The following ABCA13 variants were observed in gnomAD, a reference collection of about 807,000 sequenced individuals.
ABCA13 encodes the protein ATP-binding cassette sub-family A member 13.
In ABCA13, 476 loss-of-function variants were observed where a neutral mutation model predicts 478.7. That is an observed-to-expected ratio of 0.99 (90% confidence interval 0.92 to 1.07). The LOEUF (loss-of-function observed/expected upper bound fraction) is 1.07, where lower values mean the gene tolerates loss of function less well. Ranked by LOEUF, ABCA13 falls within the 50% of genes least tolerant of loss-of-function variation. ABCA13 has a pLI of 0.00. For missense variants in ABCA13, 6,060 were observed against 5,910.6 expected, an observed-to-expected ratio of 1.03 and a Z score of -0.83; for synonymous variants, 2,252 against 2,158.9, an observed-to-expected ratio of 1.04 and a Z score of -1.20.
intron 42 of ABCA13, 42 bp downstream of exon 42, chr7:48,427,913 A>AT: frequency 7.6e-7 from 1 of 1,320,590 alleles, no homozygotes; most frequent in Non-Finnish European, 1.1e-6. Context: ...TGGAGGAACA[A>AT]TGACACCAGC....
chr7:48,621,359 C>T (rs1380868582), intron 59 of ABCA13, among the ~76,000 whole-genome samples: 8 of 152,292 alleles, frequency 5.3e-5, no homozygotes, highest in African/African-American at 1.7e-4. Context: ...TCCTAGAGAG[C>T]ACAGACTTTG....
At chr7:48,451,242 C>T (rs1421509560) in intron 42 of ABCA13, among the ~76,000 whole-genome samples, 1 of 152,128 alleles carries the variant, frequency 6.6e-6, no homozygotes, top group Non-Finnish European at 1.5e-5. Flanking sequence ...AGGTAATCTG[C>T]TCCACCTTGG....
chr7:48,487,975 T>TTTTG (rs1298357558), intron 47 of ABCA13, among the ~76,000 whole-genome samples: 1 of 152,238 alleles, frequency 6.6e-6, no homozygotes, highest in Non-Finnish European at 1.5e-5. Context: ...GCTGTAGTTT[T>TTTTG]TTTGTTTGTT....
At chr7:48,564,834 A>G (rs1276296327) in intron 55 of ABCA13, among the ~76,000 whole-genome samples, 1 of 152,158 alleles carries the variant, frequency 6.6e-6, no homozygotes, top group East Asian at 1.9e-4. Context: ...TGTGTAAGCT[A>G]TATTACAGAC....
intron 27 of ABCA13, among the ~76,000 whole-genome samples, chr7:48,323,868 A>G (rs1803900880): frequency 1.3e-5 from 2 of 152,186 alleles, no homozygotes; most frequent in Non-Finnish European, 2.9e-5. Context: ...CGTGAGAGTG[A>G]ATAAGTCTCA....
intron 35 of ABCA13, among the ~76,000 whole-genome samples, chr7:48,379,066 TA>T (rs1200746829): frequency 2.6e-5 from 4 of 152,064 alleles, no homozygotes; most frequent in African/African-American, 9.7e-5. Context: ...TTACAGAATT[TA>T]AAAAAAATCA....
chr7:48,374,370 T>C lies in ABCA13; in HGVS notation c.11157T>C (p.Phe3719=). The C allele has an allele frequency of 6.2e-7, 1 of 1,610,728 alleles. No homozygotes were observed. The highest frequency in any genetic ancestry group is 8.5e-7 in the Non-Finnish European group (1 of 1,178,692). The stretch of plus-strand genomic sequence containing the variant: ...AGTGCCTTCTTTCGACAACCGCCTT[T>C]GGACAAGGGGTATTTTTTATTACAT... ...TFLCLLSTTA[F]GQGVFFITFL... is the part of the protein sequence containing the mutation. The change falls in exon 34 of 62, where the codon TTT becomes TTC. Residue 3719 remains phenylalanine (F), a synonymous_variant. Transcript: ENST00000435803.
At position 48,412,371 on chromosome 7, in the gene ABCA13, C is replaced by T. The variant is rs1205777574; in HGVS notation, c.12247C>T (p.His4083Tyr). 2 of 1,612,864 alleles carry T rather than the reference C, an allele frequency of 1.2e-6. No individual in the cohort carries two copies. The highest frequency in any genetic ancestry group is 1.7e-5 in the Admixed American group (1 of 59,870). The stretch of plus-strand genomic sequence containing the variant: ...TGGATAGCCTTCTGTTCTGGAGGCC[C>T]ATGATCTGAAAGACATGGCTTGTGT... The part of the protein sequence containing the change: ...LTRQPSVLEA[H>Y]DLKDMACVTS... Residue 4083 changes from histidine to tyrosine, a missense_variant, in exon 41 of 62, where the codon CAT becomes TAT. Physicochemically the swap from His to Tyr is moderately conservative, Grantham distance 83. Coordinates refer to ENST00000435803, the MANE Select transcript of ABCA13 (RefSeq NM_152701.5).
At chr7:48,201,744 A>G (rs929602536) in intron 3 of ABCA13, among the ~76,000 whole-genome samples, 1 of 152,192 alleles carries the variant, frequency 6.6e-6, no homozygotes, top group African/African-American at 2.4e-5. Flanking sequence ...TTGAAGGCAA[A>G]TATCACAGTT....
intron 35 of ABCA13, among the ~76,000 whole-genome samples, chr7:48,384,811 G>C (rs1351472996): frequency 1.3e-5 from 2 of 152,162 alleles, no homozygotes; most frequent in East Asian, 3.9e-4. Context: ...GTAGGCCTGT[G>C]TATGTGGGTA....
At chr7:48,429,351 G>A (rs1821839382) in intron 42 of ABCA13, among the ~76,000 whole-genome samples, 1 of 152,174 alleles carries the variant, frequency 6.6e-6, no homozygotes, top group African/African-American at 2.4e-5. Context: ...CTGCTAGACT[G>A]TCATCTAAAG....
intron 57 of ABCA13, among the ~76,000 whole-genome samples, chr7:48,592,545 T>G (rs1024740879): frequency 6.6e-6 from 1 of 151,954 alleles, no homozygotes; most frequent in Non-Finnish European, 1.5e-5. Context: ...AGAATGTGTA[T>G]TCTGCTATTG....
chr7:48,280,361 G>T (rs1796872430), intron 18 of ABCA13, among the ~76,000 whole-genome samples: 1 of 152,138 alleles, frequency 6.6e-6, no homozygotes, highest in Non-Finnish European at 1.5e-5. Context: ...GCAGCTGCTG[G>T]CTTCTGCCCT....
intron 54 of ABCA13, among the ~76,000 whole-genome samples, chr7:48,524,747 A>G (rs1832775974): frequency 6.6e-6 from 1 of 152,164 alleles, no homozygotes; most frequent in Admixed American, 6.5e-5. Flanking sequence ...ATTTTTTTGA[A>G]TCTAATTAAG....
At chr7:48,287,845 A>T in intron 19 of ABCA13, 115 bp from the exon 20 acceptor site, 1 of 756,972 alleles carries the variant, frequency 1.3e-6, no homozygotes, top group Non-Finnish European at 2.2e-6. Context: ...TTGATGATTT[A>T]AGAAATGTTT....
chr7:48,215,074 T>C (rs1584240111), intron 3 of ABCA13, among the ~76,000 whole-genome samples: 1 of 152,132 alleles, frequency 6.6e-6, no homozygotes, highest in African/African-American at 2.4e-5. Context: ...GAGATTGTGC[T>C]ACTGCTCTCC....
chr7:48,451,999 C>T (rs1343831822), intron 42 of ABCA13, among the ~76,000 whole-genome samples: 1 of 152,214 alleles, frequency 6.6e-6, no homozygotes, highest in African/African-American at 2.4e-5. Context: ...CATGCGAATA[C>T]TTTCATGAGT....
intron 34 of ABCA13, among the ~76,000 whole-genome samples, chr7:48,375,407 C>G (rs1813309708): frequency 6.6e-6 from 1 of 152,110 alleles, no homozygotes; most frequent in Non-Finnish European, 1.5e-5. Context: ...ATCTTTACTC[C>G]TAGATTTACT....
chr7:48,191,235 T>C (rs948813474), intron 1 of ABCA13, among the ~76,000 whole-genome samples: 2 of 152,200 alleles, frequency 1.3e-5, no homozygotes, highest in East Asian at 3.8e-4. Flanking sequence ...CCTTTCTTTA[T>C]AGTTTAATTG....
Sources: gnomAD v4.1 joint callset for allele counts (sites outside exome capture counted in the v4.1 genomes callset) on GRCh38, gnomAD v4.1.1 for gene constraint, MANE v1.5 for transcripts, NCBI Gene and HGNC (gene_info 2026-07-23, HGNC 2026-07-21) for gene names.